The following HTR2C variants were observed in gnomAD, a reference collection of about 807,000 sequenced individuals.
The protein encoded by HTR2C is 5-hydroxytryptamine receptor 2C, also known as 5-hydroxytryptamine (serotonin) receptor 2C, G protein-coupled.
In HTR2C, 5 loss-of-function variants were observed where a neutral mutation model predicts 21.0. That is an observed-to-expected ratio of 0.24 (90% confidence interval 0.12 to 0.50). The LOEUF (loss-of-function observed/expected upper bound fraction) is 0.50. HTR2C is among the 20% of genes least tolerant of loss of function. HTR2C has a pLI of 0.98. For missense variants in HTR2C, 271 were observed against 371.2 expected, an observed-to-expected ratio of 0.73 and a Z score of 2.22; for synonymous variants, 150 against 145.3, an observed-to-expected ratio of 1.03 and a Z score of -0.23.
chrX:114,829,278 C>T (rs781832410), intron 4 of HTR2C, among the ~76,000 whole-genome samples: 3 of 111,391 alleles, frequency 2.7e-5, no homozygotes, highest in Non-Finnish European at 3.8e-5. Flanking sequence ...AGTGGTTTCT[C>T]ATGGTGGTTT....
chrX:114,885,544 AT>A (rs2147522688), intron 5 of HTR2C, among the ~76,000 whole-genome samples: 1 of 112,243 alleles, frequency 8.9e-6, no homozygotes, highest in Admixed American at 9.5e-5. Context: ...ATGGATATTC[AT>A]TTTTGACATT....
At chrX:114,705,551 A>G (rs1184374304) in intron 2 of HTR2C, among the ~76,000 whole-genome samples, 2 of 108,632 alleles carry the variant, frequency 1.8e-5, no homozygotes, top group East Asian at 2.9e-4. Context: ...TTATACAAAA[A>G]TTAATTCAAG....
chrX:114,785,861 C>A (rs2070169814), intron 4 of HTR2C, among the ~76,000 whole-genome samples: 1 of 111,842 alleles, frequency 8.9e-6, no homozygotes, highest in Non-Finnish European at 1.9e-5. Context: ...GGGGAAAATT[C>A]AAAAACTGTA....
intron 5 of HTR2C, among the ~76,000 whole-genome samples, chrX:114,894,368 T>C (rs1279900378): frequency 1.8e-5 from 2 of 111,824 alleles, no homozygotes; most frequent in Non-Finnish European, 3.8e-5. Flanking sequence ...GGTGAAGTGA[T>C]AACCATTATG....
At chrX:114,597,551 T>G (rs145296801) in intron 1 of HTR2C, among the ~76,000 whole-genome samples, 1 of 112,109 alleles carries the variant, frequency 8.9e-6, no homozygotes, top group African/African-American at 3.2e-5. Flanking sequence ...AAGTAGGGTT[T>G]GAATTGACAC....
intron 5 of HTR2C, among the ~76,000 whole-genome samples, chrX:114,900,728 G>A (rs1602929201): frequency 8.9e-6 from 1 of 111,905 alleles, no homozygotes; most frequent in Non-Finnish European, 1.9e-5. Context: ...TCTAGGAAAC[G>A]TATTCTCTAA....
chrX:114,759,350 G>A (rs1032597179), intron 4 of HTR2C, among the ~76,000 whole-genome samples: 1 of 110,992 alleles, frequency 9.0e-6, no homozygotes, highest in Admixed American at 9.7e-5. Context: ...GAGACATCAG[G>A]CTGCCTAGTT....
chrX:114,613,032 G>T (rs1928808619), intron 1 of HTR2C, among the ~76,000 whole-genome samples: 3 of 110,107 alleles, frequency 2.7e-5, no homozygotes, highest in African/African-American at 9.9e-5. Context: ...CGCCTCCCGG[G>T]TTCAAGCAAT....
intron 2 of HTR2C, among the ~76,000 whole-genome samples, chrX:114,621,063 TAG>T (rs1415641863): frequency 1.8e-5 from 2 of 111,658 alleles, no homozygotes; most frequent in Non-Finnish European, 3.8e-5. Context: ...GTATTTTTAG[TAG>T]AGACGAGGTT....
rs1602937829 is a variant in HTR2C, at chrX:114,909,330, C to T, written c.*1915C>T. 1 of 112,619 alleles carries T rather than the reference C, an allele frequency of 8.9e-6. No homozygotes were observed. The highest frequency in any genetic ancestry group is 2.8e-4 in the East Asian group (1 of 3,557). 9.3% of individuals were successfully genotyped at this position (112,619 alleles called of 1,213,427 possible). A position where few individuals can be genotyped will look rare whatever the true frequency, so the allele number is the denominator to read the frequency against. Reference sequence around the variant, plus strand: ...ACACAGCATGCATTTAGCATGAGTTCTGCACATACAGATGGTGTCCTGCAT... The same window carrying T: ...ACACAGCATGCATTTAGCATGAGTTTTGCACATACAGATGGTGTCCTGCAT... On this transcript the variant is annotated 3_prime_UTR_variant, in exon 6 of 6. Transcript: ENST00000276198.
chrX:114,868,682 A>G (rs1280600460), intron 5 of HTR2C, among the ~76,000 whole-genome samples: 2 of 111,802 alleles, frequency 1.8e-5, no homozygotes, highest in Non-Finnish European at 3.8e-5. Flanking sequence ...GGGACAGTCC[A>G]AAATCTTATG....
intron 2 of HTR2C, among the ~76,000 whole-genome samples, chrX:114,656,980 T>C (rs1451076969): frequency 1.8e-5 from 2 of 111,315 alleles, no homozygotes; most frequent in Admixed American, 9.6e-5. Context: ...GAAATAAATA[T>C]TATATAACAG....
chrX:114,737,899 A>C (rs1556424781), intron 4 of HTR2C, among the ~76,000 whole-genome samples: 1 of 112,442 alleles, frequency 8.9e-6, no homozygotes, highest in East Asian at 2.8e-4. Context: ...TTGAAAACAA[A>C]GTGAAACTTC....
chrX:114,805,813 CAT>C (rs2070409360), intron 4 of HTR2C, among the ~76,000 whole-genome samples: 1 of 97,273 alleles, frequency 1.0e-5, no homozygotes, highest in African/African-American at 3.8e-5. Context: ...GTATATACAC[CAT>C]ATATATACCA....
At chrX:114,683,976 A>G (rs1347077745) in intron 2 of HTR2C, among the ~76,000 whole-genome samples, 1 of 111,792 alleles carries the variant, frequency 8.9e-6, no homozygotes, top group Non-Finnish European at 1.9e-5. Flanking sequence ...GTACAAGTTC[A>G]TACAATTGCT....
chrX:114,668,227 G>A (rs1931247617), intron 2 of HTR2C, among the ~76,000 whole-genome samples: 1 of 111,700 alleles, frequency 9.0e-6, no homozygotes, highest in East Asian at 2.8e-4. Flanking sequence ...TCTAAAGTGA[G>A]ACTATTTATG....
chrX:114,849,588 C>T (rs1322757842), intron 5 of HTR2C, among the ~76,000 whole-genome samples: 2 of 111,933 alleles, frequency 1.8e-5, no homozygotes, highest in Admixed American at 9.5e-5. Context: ...AATACAGAGT[C>T]TGGCAAGGGC....
chrX:114,803,066 AT>A (rs1243568423), intron 4 of HTR2C, among the ~76,000 whole-genome samples: 5 of 87,754 alleles, frequency 5.7e-5, no homozygotes, highest in African/African-American at 2.1e-4. Context: ...TGAACTCATC[AT>A]TTTTTATGGC....
chrX:114,667,340 C>T (rs185105264), intron 2 of HTR2C, among the ~76,000 whole-genome samples: 1,176 of 110,548 alleles, frequency 0.011, 21 homozygotes, highest in African/African-American at 0.036. Flanking sequence ...AATAAATTTT[C>T]GAAAAGAGGG....
Sources: allele counts gnomAD v4.1 joint callset (sites outside exome capture counted in the v4.1 genomes callset), GRCh38; gene constraint gnomAD v4.1.1; transcripts MANE v1.5; gene names NCBI Gene and HGNC (gene_info 2026-07-23, HGNC 2026-07-21).